Variants in CERK observed in about 807,000 individuals in gnomAD.
The protein encoded by CERK is ceramide kinase.
Under a neutral mutation model 63.4 loss-of-function variants are expected in CERK, and 39 were observed. That is an observed-to-expected ratio of 0.61 (90% confidence interval 0.48 to 0.80). CERK has a LOEUF of 0.80. Ranked by LOEUF, CERK falls within the 30% of genes least tolerant of loss-of-function variation. The probability of loss-of-function intolerance (pLI) is 0.00; values close to 1 mark genes in which losing one functional copy is unlikely to be tolerated. For missense variants in CERK, 670 were observed against 714.1 expected (o/e 0.94, Z 0.70); for synonymous variants, 302 against 280.0 (o/e 1.08, Z -0.78).
At chr22:46,701,547 G>C in intron 7 of CERK, 89 bp downstream of exon 7, 1 of 1,136,074 alleles carries the variant, frequency 8.8e-7, no homozygotes, top group Non-Finnish European at 1.3e-6. Flanking sequence ...GGCAACGGCT[G>C]GAACACGCGA....
intron 3 of CERK, among the ~76,000 whole-genome samples, chr22:46,713,779 A>G (rs2082854843): frequency 6.6e-6 from 1 of 152,202 alleles, no homozygotes; most frequent in African/African-American, 2.4e-5. Context: ...CTGGGGTGAC[A>G]GAAGCCTTGA....
intron 1 of CERK, among the ~76,000 whole-genome samples, chr22:46,734,474 A>C (rs1410135814): frequency 6.6e-6 from 1 of 152,162 alleles, no homozygotes; most frequent in African/African-American, 2.4e-5. Context: ...GCATGATTCC[A>C]TTTACATGAA....
At chr22:46,725,765 T>C (rs1203321386) in intron 1 of CERK, among the ~76,000 whole-genome samples, 2 of 152,244 alleles carry the variant, frequency 1.3e-5, no homozygotes, top group African/African-American at 4.8e-5. Flanking sequence ...GAGGCTGGCC[T>C]CCTGGTTCTC....
Position 46,738,035 on chromosome 22 carries a change from C to T in CERK, c.114G>A (p.Pro38=). The T allele has an allele frequency of 8.3e-7, 1 of 1,200,624 alleles. No individual in the cohort carries two copies. The highest frequency in any genetic ancestry group is 3.8e-5 in the East Asian group (1 of 26,178). 74.4% of individuals were successfully genotyped at this position (1,200,624 alleles called of 1,614,324 possible). ...ARALLRWWRS[P]GPGAGAPGAD... ...CGCCGGGGGCGCCGGCTCCGGGCCCCGGGCTCCGCCACCAGCGCAGCAGAG... is the reference window on the plus strand; with the variant it reads ...CGCCGGGGGCGCCGGCTCCGGGCCCTGGGCTCCGCCACCAGCGCAGCAGAG... The change falls in exon 1 of 13, where the codon CCG becomes CCA. Residue 38 remains proline (P), a synonymous_variant. Transcript: ENST00000216264.
chr22:46,708,529 G>C (rs1419981326), intron 5 of CERK, among the ~76,000 whole-genome samples: 1 of 152,242 alleles, frequency 6.6e-6, no homozygotes, highest in Non-Finnish European at 1.5e-5. Flanking sequence ...GTGGTCTTGA[G>C]GACCCAAGGC....
intron 1 of CERK, among the ~76,000 whole-genome samples, chr22:46,736,153 C>A (rs1861739): frequency 0.47 from 71,552 of 152,186 alleles, 19,193 homozygotes; most frequent in Non-Finnish European, 0.6. Context: ...CTTGGCTTAG[C>A]AAGAGTGAAG....
intron 1 of CERK, among the ~76,000 whole-genome samples, chr22:46,723,075 G>A (rs2082900613): frequency 6.6e-6 from 1 of 152,210 alleles, no homozygotes; most frequent in South Asian, 2.1e-4. Flanking sequence ...GACAGGGCAA[G>A]AGACTGAACA....
At chr22:46,710,446 A>AG (rs1396384915) in intron 5 of CERK, among the ~76,000 whole-genome samples, 3 of 152,166 alleles carry the variant, frequency 2.0e-5, no homozygotes, top group African/African-American at 7.2e-5. Context: ...AAAAAAAAAA[A>AG]AAGAATGTAA....
At chr22:46,696,667 G>A (rs2082758068) in intron 8 of CERK, among the ~76,000 whole-genome samples, 1 of 152,236 alleles carries the variant, frequency 6.6e-6, no homozygotes, top group African/African-American at 2.4e-5. Flanking sequence ...GAACAACCGG[G>A]TGCTTTCTGC....
chr22:46,709,210 C>A (rs561391491), intron 5 of CERK, among the ~76,000 whole-genome samples: 33 of 152,342 alleles, frequency 2.2e-4, no homozygotes, highest in African/African-American at 7.5e-4. Flanking sequence ...GAAGAGCAGC[C>A]CTCACTGGCC....
chr22:46,732,807 TC>T (rs1569331929), intron 1 of CERK, among the ~76,000 whole-genome samples: 1 of 152,120 alleles, frequency 6.6e-6, no homozygotes, highest in Non-Finnish European at 1.5e-5. Flanking sequence ...AGCATCCACT[TC>T]CGAATGTTTT....
intron 1 of CERK, among the ~76,000 whole-genome samples, chr22:46,729,437 C>G (rs1422288071): frequency 1.3e-5 from 2 of 151,962 alleles, no homozygotes; most frequent in East Asian, 3.9e-4. Flanking sequence ...GAGACAGGGT[C>G]TTGCTCTGTC....
At chr22:46,704,100 G>C (rs1194827164) in intron 6 of CERK, among the ~76,000 whole-genome samples, 1 of 152,244 alleles carries the variant, frequency 6.6e-6, no homozygotes, top group Non-Finnish European at 1.5e-5. Flanking sequence ...ATTTGGTGGG[G>C]TGCCTGCTGT....
intron 1 of CERK, among the ~76,000 whole-genome samples, chr22:46,731,361 G>A (rs1383437732): frequency 6.6e-6 from 1 of 152,208 alleles, no homozygotes. Context: ...CCCCGCCAAG[G>A]TGGCCTTAGC....
intron 1 of CERK, among the ~76,000 whole-genome samples, chr22:46,724,597 C>G (rs2146586472): frequency 6.6e-6 from 1 of 152,232 alleles, no homozygotes; most frequent in East Asian, 1.9e-4. Flanking sequence ...AGCCGCTAAG[C>G]CTGGAGCATG....
intron 4 of CERK, among the ~76,000 whole-genome samples, chr22:46,711,601 C>T (rs900783089): frequency 6.6e-6 from 1 of 152,190 alleles, no homozygotes; most frequent in African/African-American, 2.4e-5. Flanking sequence ...ATTTCTAAGA[C>T]TTATTAATCC....
intron 5 of CERK, among the ~76,000 whole-genome samples, chr22:46,709,617 T>C (rs2082830757): frequency 6.6e-6 from 1 of 152,206 alleles, no homozygotes; most frequent in Admixed American, 6.5e-5. Context: ...GTTTGTGGAA[T>C]GAATAATGAT....
At chr22:46,719,673 AAAAAGAAAAG>A (rs531707401) in intron 3 of CERK, among the ~76,000 whole-genome samples, 8 of 152,326 alleles carry the variant, frequency 5.3e-5, no homozygotes, top group East Asian at 1.9e-4. Flanking sequence ...CTCCATCTTG[AAAAAGAAAAG>A]AAAAGAAAAG....
At chr22:46,690,982 T>C (rs563689369) in intron 11 of CERK, among the ~76,000 whole-genome samples, 2 of 150,916 alleles carry the variant, frequency 1.3e-5, no homozygotes, top group African/African-American at 5.0e-5. Context: ...TGTATGTATG[T>C]GTGTATATGT....
Sources: allele counts gnomAD v4.1 joint callset (sites outside exome capture counted in the v4.1 genomes callset), GRCh38; gene constraint gnomAD v4.1.1; transcripts MANE v1.5; gene names NCBI Gene and HGNC (gene_info 2026-07-23, HGNC 2026-07-21).